PRSS38: variants seen among roughly 807,000 people sequenced by gnomAD.
PRSS38 encodes marapsin 2.
A neutral mutation model predicts 26.8 loss-of-function variants in PRSS38; 22 were observed. The observed-to-expected ratio is 0.82, with a 90% CI of 0.59 to 1.17. The LOEUF is 1.17. Among genes scored for constraint, PRSS38 ranks in the 50% most tolerant of loss-of-function variants. The probability of loss-of-function intolerance (pLI) is 0.00; values close to 1 mark genes in which losing one functional copy is unlikely to be tolerated. For synonymous variants in PRSS38, 175 were observed against 172.1 expected, an observed-to-expected ratio of 1.02 and a Z score of -0.13; for missense variants, 427 against 422.7, an observed-to-expected ratio of 1.01 and a Z score of -0.09.
At chr1:227,832,828 G>A (rs931482036) in intron 3 of PRSS38, among the ~76,000 whole-genome samples, 2 of 152,140 alleles carry the variant, frequency 1.3e-5, no homozygotes, top group African/African-American at 4.8e-5. Context: ...TTAAAATCCA[G>A]CCAAGTGGCA....
At chr1:227,822,014 T>C (rs10916220) in intron 3 of PRSS38, among the ~76,000 whole-genome samples, 17,672 of 152,134 alleles carry the variant, frequency 0.12, 1,322 homozygotes, top group East Asian at 0.22. Flanking sequence ...TCTCTTTACT[T>C]TCCTTCCTCT....
chr1:227,817,175 T>TGCGGGCATTGTAC, intron 2 of PRSS38, 34 bp from the exon 3 acceptor site: 1 of 1,595,124 alleles, frequency 6.3e-7, no homozygotes, highest in African/African-American at 1.3e-5. Flanking sequence ...CACAGGAAGC[T>TGCGGGCATTGTAC]GCGGGCATTG....
Position 227,816,167 on chromosome 1 carries a change from A to G in PRSS38, c.226A>G (p.Ser76Gly). The G allele has an allele frequency of 6.2e-7, 1 of 1,613,582 alleles. No individual in the cohort carries two copies. The highest frequency in any genetic ancestry group is 8.5e-7 in the Non-Finnish European group (1 of 1,179,912). ...CGAGAGGAAGTGGCCGTGGCAGGTCAGCGTGCACTACGCAGGCCTCCACGT... is the reference window on the plus strand; with the variant it reads ...CGAGAGGAAGTGGCCGTGGCAGGTCGGCGTGCACTACGCAGGCCTCCACGT... Residue 76 changes from serine (S) to glycine (G), a missense_variant, in exon 2 of 5, where the codon AGC becomes GGC. By Grantham distance (56) the Ser-to-Gly change is moderately conservative. Coordinates refer to ENST00000366757, the Ensembl canonical transcript of PRSS38. This position sits in a 1 kb window ranked among gnomAD's most constrained non-coding sequence, Gnocchi z 5.1.
Position 227,815,737 on chromosome 1 carries a change from C to T in PRSS38, c.21C>T (p.Val7=). The T allele has an allele frequency of 3.1e-6, 5 of 1,600,986 alleles. No homozygotes were observed. In the Admixed American group the frequency reaches 5.1e-5, roughly 16 times the overall value. The change falls in exon 1 of 5, where the codon GTC becomes GTT. Residue 7 remains valine, a synonymous_variant. Transcript: ENST00000366757. ...GCCTCATGGCTGCCCCTGCTTCCGTCATGGGCCCACTCGGGCCCTCTGCCC... is the reference window on the plus strand; with the variant it reads ...GCCTCATGGCTGCCCCTGCTTCCGTTATGGGCCCACTCGGGCCCTCTGCCC...
intron 3 of PRSS38, among the ~76,000 whole-genome samples, chr1:227,826,361 C>G (rs1665073716): frequency 1.3e-5 from 2 of 152,130 alleles, no homozygotes; most frequent in Admixed American, 1.3e-4. Flanking sequence ...TATTTGAACA[C>G]CGTTGATTTC....
At chr1:227,815,725 C>T in exon 1 of PRSS38, 7 of 1,590,950 alleles carry the variant, frequency 4.4e-6, no homozygotes, top group Non-Finnish European at 6.0e-6. Flanking sequence ...TCATGGCTGC[C>T]CCTGCTTCCG....
chr1:227,835,384 T>C (rs185245219), intron 3 of PRSS38, among the ~76,000 whole-genome samples: 78 of 152,238 alleles, frequency 5.1e-4, no homozygotes, highest in African/African-American at 1.8e-3. Flanking sequence ...CTGGGCAACA[T>C]AGCAAGACCC....
exon 1 of PRSS38, chr1:227,815,747 C>T: frequency 6.2e-7 from 1 of 1,605,516 alleles, no homozygotes; most frequent in Non-Finnish European, 8.5e-7. Context: ...CATGGGCCCA[C>T]TCGGGCCCTC....
Position 227,845,455 on chromosome 1 carries a change from GC to G in PRSS38, c.584-12del. 6.2e-7 allele frequency: 1 copy of G among 1,602,746 alleles called. No homozygotes were observed. ...AAGCAGGTGCTGCCCCCTCACGGGAGCCCTCCTCCCACAGGTGAGACCTCAG... is the reference window on the plus strand; with the variant it reads ...AAGCAGGTGCTGCCCCCTCACGGGAGCCTCCTCCCACAGGTGAGACCTCAG... On this transcript the variant is annotated splice_polypyrimidine_tract_variant and intron_variant, in intron 3 of 4. Transcript: ENST00000366757.
chr1:227,818,191 G>C (rs1664950116), intron 3 of PRSS38, among the ~76,000 whole-genome samples: 1 of 152,096 alleles, frequency 6.6e-6, no homozygotes, highest in Non-Finnish European at 1.5e-5. Context: ...GCTTATAATG[G>C]TTCACTATAG....
rs201176685 is a variant in PRSS38 at position 227,817,204 on chromosome 1, C to T, written c.312-5C>T. ...GGCATTGTACCTCTGTTCTCACCCC[C>T]ACAGGGACAAGAATATCAAAATCTA... On this transcript the variant is annotated splice_region_variant and splice_polypyrimidine_tract_variant and intron_variant, in intron 2 of 4. Transcript: ENST00000366757. The T allele has an allele frequency of 1.2e-6, 2 of 1,611,650 alleles. No homozygotes were observed. The highest frequency in any genetic ancestry group is 1.7e-5 in the Admixed American group (1 of 60,006).
At chr1:227,825,790 T>C (rs189044460) in intron 3 of PRSS38, among the ~76,000 whole-genome samples, 1 of 152,344 alleles carries the variant, frequency 6.6e-6, no homozygotes, top group African/African-American at 2.4e-5. Flanking sequence ...AGCCTTATAG[T>C]ATCATTTGAA....
rs1324741607 is a variant in PRSS38, at chr1:227,816,092, T to C, written c.151T>C (p.Cys51Arg). ...CGTCAGCTCCGTTCTCCCTGCAGCC[T>C]GTGGTCGGCCCAGCATGGAGGGGAA... Residue 51 changes from cysteine (C) to arginine (R), a missense_variant and splice_region_variant, in exon 2 of 5, where the codon TGT becomes CGT. Coordinates refer to ENST00000366757, the Ensembl canonical transcript of PRSS38. The surrounding 1 kb of genome is among the most constrained non-coding windows in gnomAD (Gnocchi z 5.1). 1.2e-6 allele frequency: 2 copies of C among 1,611,278 alleles called. No homozygotes were observed. Among genetic ancestry groups the C allele is most frequent in the African/African-American group, 1.3e-5 (1 of 74,848 alleles).
At chr1:227,823,968 C>A (rs191480903) in intron 3 of PRSS38, among the ~76,000 whole-genome samples, 2 of 152,174 alleles carry the variant, frequency 1.3e-5, no homozygotes, top group East Asian at 3.9e-4. Flanking sequence ...GGATAAATAC[C>A]CAGTGGTGGG....
chr1:227,833,047 A>C (rs1030144200), intron 3 of PRSS38, among the ~76,000 whole-genome samples: 11 of 152,228 alleles, frequency 7.2e-5, no homozygotes, highest in South Asian at 4.1e-4. Flanking sequence ...ACCTAAATAA[A>C]TGCAAAGACA....
At chr1:227,836,906 G>T (rs1041602748) in intron 3 of PRSS38, among the ~76,000 whole-genome samples, 1 of 152,068 alleles carries the variant, frequency 6.6e-6, no homozygotes, top group Non-Finnish European at 1.5e-5. Flanking sequence ...GAGTTACAAT[G>T]AATTTTTAAA....
At chr1:227,841,828 C>T (rs1275939190) in intron 3 of PRSS38, among the ~76,000 whole-genome samples, 1 of 152,126 alleles carries the variant, frequency 6.6e-6, no homozygotes, top group Non-Finnish European at 1.5e-5. Context: ...TGTCTTAGTC[C>T]ATTTGTGTTG....
At chr1:227,834,440 G>T (rs1008400554) in intron 3 of PRSS38, among the ~76,000 whole-genome samples, 1 of 152,078 alleles carries the variant, frequency 6.6e-6, no homozygotes, top group Non-Finnish European at 1.5e-5. Flanking sequence ...AGGCCAAGGC[G>T]GGCAGATTAC....
chr1:227,844,747 G>A (rs1665393034), intron 3 of PRSS38, among the ~76,000 whole-genome samples: 2 of 148,524 alleles, frequency 1.3e-5, no homozygotes, highest in Admixed American at 6.7e-5. Flanking sequence ...TGTGTGGTGA[G>A]GGCTCCTCCT....
Sources: allele counts gnomAD v4.1 joint callset (sites outside exome capture counted in the v4.1 genomes callset), GRCh38; gene constraint gnomAD v4.1.1; non-coding constraint Gnocchi (gnomAD v3.1); transcripts MANE v1.5; gene names NCBI Gene and HGNC (gene_info 2026-07-23, HGNC 2026-07-21).